Variants in ERCC6 observed in about 807,000 individuals in gnomAD.
The protein encoded by ERCC6 is ERCC excision repair 6, chromatin remodeling factor, also known as DNA excision repair protein ERCC-6.
In ERCC6, 116 loss-of-function variants were observed where a neutral mutation model predicts 158.7. The observed-to-expected ratio is 0.73, with a 90% CI of 0.63 to 0.85. The LOEUF (loss-of-function observed/expected upper bound fraction) is 0.85. Among genes scored for constraint, ERCC6 ranks in the 40% least tolerant of loss-of-function variants. The pLI is 0.00. For missense variants in ERCC6, 1,698 were observed against 1,799.4 expected, an observed-to-expected ratio of 0.94 and a Z score of 1.02; for synonymous variants, 678 against 659.3, an observed-to-expected ratio of 1.03 and a Z score of -0.43.
chr10:49,506,510 A>G lies in ERCC6; in HGVS notation c.1398-498T>C, dbSNP rs4253097. The G allele has an allele frequency of 5.9e-3, 972 of 164,774 alleles. 4 individuals carry two copies. Among genetic ancestry groups the G allele is most frequent in the Middle Eastern group, 0.019 (6 of 322 alleles). The allele number at this position is 164,774 out of a possible 1,614,324, so 10.2% of individuals were successfully genotyped here. On this transcript the variant is annotated intron_variant, in intron 5 of 20. Coordinates refer to ENST00000355832, the MANE Select transcript of ERCC6 (RefSeq NM_000124.4). ...AGCAAATTTGGGGTCAAAATCACTGAATCAGGTTCACATTACTGATTACTT... is the reference window on the plus strand; with the variant it reads ...AGCAAATTTGGGGTCAAAATCACTGGATCAGGTTCACATTACTGATTACTT...
At chr10:49,537,748 T>C (rs1022676786) in intron 1 of ERCC6, among the ~76,000 whole-genome samples, 1 of 151,904 alleles carries the variant, frequency 6.6e-6, no homozygotes, top group Non-Finnish European at 1.5e-5. Context: ...GGAATTTCGC[T>C]CCGGTTGCCC....
At chr10:49,497,531 T>G (rs2132570706) in intron 7 of ERCC6, among the ~76,000 whole-genome samples, 1 of 152,370 alleles carries the variant, frequency 6.6e-6, no homozygotes, top group African/African-American at 2.4e-5. Flanking sequence ...ATTATCAAGA[T>G]GCCCTTTAAT....
In ERCC6 at chr10:49,460,379, C is replaced by T. The variant is rs1221276318; in HGVS notation, c.4056G>A (p.Lys1352=). The change falls in exon 20 of 21, where the codon AAG becomes AAA. Residue 1352 remains lysine (K), a synonymous_variant. Transcript: ENST00000355832. The part of the protein sequence containing the change: ...QHPSSTSPTE[K]CQDGIMKKEG... ...AAAAGGTTATCTATATTACCTGGCA[C>T]TTCTCTGTTGGAGATGTTGATGAAG... 6.2e-7 allele frequency: 1 copy of T among 1,611,574 alleles called. No homozygotes were observed. Among genetic ancestry groups the T allele is most frequent in the Non-Finnish European group, 8.5e-7 (1 of 1,177,670 alleles).
At position 49,526,089 on chromosome 10, in the gene ERCC6, ATTTATATATTTATATATTTATATATT is replaced by A. The variant is rs1276622887; in HGVS notation, c.653-1338_653-1313del. Among the ~76,000 whole-genome samples, 568 of 106,178 alleles carry A rather than the reference ATTTATATATTTATATATTTATATATT, an allele frequency of 5.3e-3. 17 individuals are homozygous for A. The highest frequency in any genetic ancestry group is 0.021 in the East Asian group (69 of 3,262). 69.7% of individuals were successfully genotyped at this position (106,178 alleles called of 152,430 possible). ...ATGCACATCTTTTGGTTTTATTTAT[ATTTATATATTTATATATTTATATATT>A]TTTATATATATATATATATATATAT... On this transcript the variant is annotated intron_variant, in intron 4 of 20. Coordinates refer to ENST00000355832, the MANE Select transcript of ERCC6 (RefSeq NM_000124.4).
intron 1 of ERCC6, among the ~76,000 whole-genome samples, chr10:49,534,153 AAC>A (rs1491019050): frequency 1.8e-4 from 27 of 151,094 alleles, no homozygotes; most frequent in African/African-American, 5.4e-4. Context: ...AAAAAAAAAA[AAC>A]AAAAAAAAAA....
In ERCC6 at chr10:49,459,063, G is replaced by T. The variant is rs1317670734; in HGVS notation, c.4234C>A (p.Leu1412Met). 2 of 1,614,176 alleles carry T rather than the reference G, an allele frequency of 1.2e-6. No individual in the cohort carries two copies. The highest frequency in any genetic ancestry group is 1.7e-6 in the Non-Finnish European group (2 of 1,180,036). Residue 1412 changes from leucine (L) to methionine (M), a missense_variant, in exon 21 of 21, where the codon CTG becomes ATG. Transcript: ENST00000355832. The stretch of plus-strand genomic sequence containing the variant: ...GGCAGCAGGGCAGAAGCTTCCTGCA[G>T]GTGCCCGCTTTCACTTTCTAAACGC... ...PERLESESGHLQEASALLPTT... is the reference protein window; with the variant it reads ...PERLESESGHMQEASALLPTT...
chr10:49,491,048 TG>T (rs1430889415), intron 8 of ERCC6, among the ~76,000 whole-genome samples: 4 of 152,218 alleles, frequency 2.6e-5, no homozygotes, highest in Admixed American at 2.0e-4. Flanking sequence ...GACAGAGATC[TG>T]CACATACACA....
At chr10:49,529,658 G>A (rs113373426) in intron 3 of ERCC6, among the ~76,000 whole-genome samples, 67 of 152,188 alleles carry the variant, frequency 4.4e-4, no homozygotes, top group African/African-American at 1.5e-3. Context: ...ATAAAAGGAG[G>A]GCCACGTGAA....
Position 49,473,728 on chromosome 10 carries a change from C to G in ERCC6, c.2599-141G>C, listed in dbSNP as rs1850824330. The G allele has an allele frequency of 2.8e-5, 20 of 727,034 alleles. No homozygotes were observed. In the South Asian group the frequency reaches 2.9e-4, roughly 11 times the overall value. The allele number at this position is 727,034 out of a possible 1,614,324, so 45.0% of individuals were successfully genotyped here. ...CTTGCTTTAGGACAGATAAACAGAA[C>G]TGTTAAAAGAGTATTTTTGGTATTT... On this transcript the variant is annotated intron_variant, in intron 13 of 20. Coordinates refer to ENST00000355832, the MANE Select transcript of ERCC6 (RefSeq NM_000124.4).
rs1851206628 is a variant in ERCC6, at chr10:49,493,176, A to G, written c.1762T>C (p.Trp588Arg). 2 of 1,614,140 alleles carry G rather than the reference A, an allele frequency of 1.2e-6. No homozygotes were observed. The highest frequency in any genetic ancestry group is 1.7e-6 in the Non-Finnish European group (2 of 1,179,992). Reference protein sequence around the residue: ...MHQWVKEFHTWWPPFRVAILH... With the variant: ...MHQWVKEFHTRWPPFRVAILH... ...ATTGCCACTCTGAACGGAGGCCACCACGTGTGAAATTCCTTCACCCACTGA... is the reference window on the plus strand; with the variant it reads ...ATTGCCACTCTGAACGGAGGCCACCGCGTGTGAAATTCCTTCACCCACTGA... Residue 588 changes from tryptophan to arginine, a missense_variant, in exon 8 of 21, where the codon TGG becomes CGG. Coordinates refer to ENST00000355832, the MANE Select transcript of ERCC6 (RefSeq NM_000124.4).
downstream of ERCC6, among the ~76,000 whole-genome samples, chr10:49,449,346 C>A (rs1195764047): frequency 6.6e-6 from 1 of 152,100 alleles, no homozygotes; most frequent in African/African-American, 2.4e-5. Context: ...ATATGATTCA[C>A]AAATATTTTC....
intron 6 of ERCC6, chr10:49,504,431 A>G (rs1851409915): frequency 6.6e-6 from 1 of 152,186 alleles, no homozygotes; most frequent in Admixed American, 6.6e-5. Flanking sequence ...AGCAAAGTTT[A>G]GTACTATTAA....
Position 49,491,444 on chromosome 10 carries a change from G to C in ERCC6, c.1821+1673C>G, listed in dbSNP as rs113193671. Among the ~76,000 whole-genome samples the C allele has an allele frequency of 3.5e-3, 535 of 152,212 alleles. 3 individuals carry two copies. Among genetic ancestry groups the C allele is most frequent in the African/African-American group, 0.013 (520 of 41,534 alleles). On this transcript the variant is annotated intron_variant, in intron 8 of 20. Coordinates refer to ENST00000355832, the MANE Select transcript of ERCC6 (RefSeq NM_000124.4). The stretch of plus-strand genomic sequence containing the variant: ...TAAGAATCTTCAAGTTAGAGTCCTT[G>C]GTAAACTGTAAAACACTGAAAAAAT...
chr10:49,528,038 T>C (rs189990664), intron 4 of ERCC6, among the ~76,000 whole-genome samples: 13 of 152,368 alleles, frequency 8.5e-5, no homozygotes, highest in Admixed American at 8.5e-4. Flanking sequence ...AAATACGCTC[T>C]TTAAAGACAC....
At position 49,526,137 on chromosome 10, in the gene ERCC6, ATATATATATATATATATATATATATC is replaced by A. The variant is rs1564443988; in HGVS notation, c.653-1386_653-1361del. On this transcript the variant is annotated intron_variant, in intron 4 of 20. Coordinates refer to ENST00000355832, the MANE Select transcript of ERCC6 (RefSeq NM_000124.4). The stretch of plus-strand genomic sequence containing the variant: ...TATTTTTATATATATATATATATAT[ATATATATATATATATATATATATATC>A]TGGGTATGCTAAGCTTTAGTAGACA... Among the ~76,000 whole-genome samples the A allele has an allele frequency of 3.2e-3, 69 of 21,756 alleles. 2 individuals are homozygous for A. Among genetic ancestry groups the A allele is most frequent in the Non-Finnish European group, 8.1e-3 (56 of 6,932 alleles). 14.3% of individuals were successfully genotyped at this position (21,756 alleles called of 152,430 possible).
Position 49,482,722 on chromosome 10 carries a change from T to C in ERCC6, c.2134A>G (p.Thr712Ala). Residue 712 changes from threonine (T) to alanine (A), a missense_variant, in exon 10 of 21, where the codon ACC becomes GCC. By Grantham distance (58) the Thr-to-Ala change is moderately conservative (BLOSUM62 0). Transcript: ENST00000355832. ...GAAGCATTTGAATATCCCCCCATGG[T>C]GATGGGGACGGAGAACTGCTCCATA... ...VFMEQFSVPI[T>A]MGGYSNASPV... 1 of 1,613,802 alleles carries C rather than the reference T, an allele frequency of 6.2e-7. No homozygotes were observed. The highest frequency in any genetic ancestry group is 8.5e-7 in the Non-Finnish European group (1 of 1,179,868).
chr10:49,482,409 C>T (rs994972239), intron 10 of ERCC6, among the ~76,000 whole-genome samples: 2 of 152,118 alleles, frequency 1.3e-5, no homozygotes, highest in African/African-American at 4.8e-5. Context: ...TTAAACATCC[C>T]AGGAACAATG....
chr10:49,450,883 C>T (rs1233999381), downstream of ERCC6, among the ~76,000 whole-genome samples: 1 of 151,688 alleles, frequency 6.6e-6, no homozygotes. Context: ...ACAATCTTGG[C>T]TCACTGCAAG....
In ERCC6 at chr10:49,483,498, C is replaced by T. The variant is rs1851018769; in HGVS notation, c.1840G>A (p.Val614Ile). ...THKKEKLIRD[V>I]AHCHGILITS... ...ATCAAAATTCCATGACAATGAGCAA[C>T]ATCTCGAATTAGTTTCTCCTGAGAC... The change falls in exon 9 of 21, where the codon GTT (valine) becomes ATT (isoleucine). Residue 614 changes from valine (V) to isoleucine (I), a missense_variant. Transcript: ENST00000355832. The T allele has an allele frequency of 1.2e-6, 2 of 1,613,994 alleles. No individual in the cohort carries two copies. Among genetic ancestry groups the T allele is most frequent in the South Asian group, 1.1e-5 (1 of 91,082 alleles).
Sources: gnomAD v4.1 joint callset for allele counts (sites outside exome capture counted in the v4.1 genomes callset) on GRCh38, gnomAD v4.1.1 for gene constraint, MANE v1.5 for transcripts, NCBI Gene and HGNC (gene_info 2026-07-23, HGNC 2026-07-21) for gene names.